The following RABGAP1 variants were observed in gnomAD, a reference collection of about 807,000 sequenced individuals.
RABGAP1 encodes the protein RAB GTPase activating protein 1, also known as rab GTPase-activating protein 1.
RABGAP1 carries 23 observed loss-of-function variants against 137.6 expected under a neutral mutation model. That is an observed-to-expected ratio of 0.17 (90% CI 0.12 to 0.24). The LOEUF is 0.24. RABGAP1 is among the 10% of genes least tolerant of loss of function. The pLI, the probability that RABGAP1 is intolerant of heterozygous loss-of-function variation, is 1.00. For synonymous variants in RABGAP1, 451 were observed against 450.7 expected (o/e 1.00, Z -0.01); for missense variants, 906 against 1,275.8 (o/e 0.71, Z 4.42).
At chr9:122,997,079 C>G in intron 8 of RABGAP1, 180 bp from the exon 9 acceptor site, 1 of 593,806 alleles carries the variant, frequency 1.7e-6, no homozygotes, top group Non-Finnish European at 3.0e-6. Flanking sequence ...CATATAACTT[C>G]AGGACAGTTG....
At chr9:122,971,047 C>T (rs778962504) in intron 2 of RABGAP1, among the ~76,000 whole-genome samples, 1 of 152,152 alleles carries the variant, frequency 6.6e-6, no homozygotes, top group Non-Finnish European at 1.5e-5. Flanking sequence ...TTGATAACTA[C>T]GTTGGGCAAG....
intron 2 of RABGAP1, among the ~76,000 whole-genome samples, chr9:122,974,288 A>G (rs1292191358): frequency 1.3e-5 from 2 of 152,200 alleles, no homozygotes; most frequent in Non-Finnish European, 2.9e-5. Flanking sequence ...AGTGCCCTGT[A>G]CAAACAAGTG....
chr9:123,035,702 C>G, intron 13 of RABGAP1: 1 of 844,996 alleles, frequency 1.2e-6, no homozygotes, highest in Non-Finnish European at 1.8e-6. Flanking sequence ...TCTAAGTATT[C>G]CTAATTCACT....
Position 122,956,996 on chromosome 9 carries a change from GT to G in RABGAP1, c.-49-10del. ...GACATTCTATATGAGTATCTTTATG[GT>G]TTTTGTTTTTCAGGCATTAAAAAAT... On this transcript the variant is annotated splice_polypyrimidine_tract_variant and intron_variant, in intron 1 of 25. Coordinates refer to ENST00000373647, the MANE Select transcript of RABGAP1 (RefSeq NM_012197.4). 7.7e-7 allele frequency: 1 copy of G among 1,294,486 alleles called. No individual in the cohort carries two copies. The highest frequency in any genetic ancestry group is 2.5e-5 in the East Asian group (1 of 39,786). The allele number at this position is 1,294,486 out of a possible 1,614,324, so 80.2% of individuals were successfully genotyped here. A position where few individuals can be genotyped will look rare whatever the true frequency, so the allele number is the denominator to read the frequency against.
chr9:123,029,296 A>G lies in RABGAP1; in HGVS notation c.1794+8837A>G, dbSNP rs1038442536. 6.9e-6 allele frequency: 4 copies of G among 576,136 alleles called. 1 individual carries two copies. The highest frequency in any genetic ancestry group is 4.3e-5 in the South Asian group (2 of 46,800). The allele number at this position is 576,136 out of a possible 1,614,324, so 35.7% of individuals were successfully genotyped here. On this transcript the variant is annotated intron_variant, in intron 13 of 25. Coordinates refer to ENST00000373647, the MANE Select transcript of RABGAP1 (RefSeq NM_012197.4). ...TCAGCTGCACTAAAATAATATGTTA[A>G]TTAATCAATGTTTAAAGCTCATTTT...
At chr9:123,077,583 G>A (rs539899518) in intron 19 of RABGAP1, among the ~76,000 whole-genome samples, 1 of 148,672 alleles carries the variant, frequency 6.7e-6, no homozygotes, top group African/African-American at 2.4e-5. Context: ...AAAGGTATAG[G>A]ATCTTCTTGT....
At chr9:123,044,853 C>T (rs576149444) in intron 13 of RABGAP1, among the ~76,000 whole-genome samples, 42 of 152,228 alleles carry the variant, frequency 2.8e-4, no homozygotes, top group Middle Eastern at 3.4e-3. Context: ...TGATTCCTCT[C>T]CTCACCCCAG....
At chr9:122,997,148 T>C (rs1335731711) in intron 8 of RABGAP1, 111 bp from the exon 9 acceptor site, 2 of 724,178 alleles carry the variant, frequency 2.8e-6, no homozygotes, top group Non-Finnish European at 2.3e-6. Context: ...ACTTATCCTC[T>C]TCCATATTCT....
intron 13 of RABGAP1, among the ~76,000 whole-genome samples, chr9:123,037,604 A>G (rs539011603): frequency 1.3e-5 from 2 of 152,352 alleles, no homozygotes; most frequent in South Asian, 4.1e-4. Context: ...ATGTTAGAGA[A>G]TGTAACCTGT....
intron 13 of RABGAP1, chr9:123,034,766 T>C: frequency 6.2e-7 from 1 of 1,613,972 alleles, no homozygotes; most frequent in African/African-American, 1.3e-5. Flanking sequence ...ACAAGTTATT[T>C]TATCCAGACT....
chr9:122,950,881 G>A (rs923405891), intron 1 of RABGAP1, among the ~76,000 whole-genome samples: 1 of 152,174 alleles, frequency 6.6e-6, no homozygotes, highest in African/African-American at 2.4e-5. Flanking sequence ...AGAAGAAAAG[G>A]AACCTAAATC....
chr9:123,098,472 TCAG>T (rs1471740800), intron 22 of RABGAP1, among the ~76,000 whole-genome samples: 3 of 152,248 alleles, frequency 2.0e-5, no homozygotes, highest in Non-Finnish European at 4.4e-5. Context: ...GGGAAGACCT[TCAG>T]CAGAAGCCTC....
chr9:123,104,466 A>G lies in RABGAP1; in HGVS notation c.*1253A>G, dbSNP rs1470712692. On this transcript the variant is annotated 3_prime_UTR_variant, in exon 26 of 26. Coordinates refer to ENST00000373647, the MANE Select transcript of RABGAP1 (RefSeq NM_012197.4). The stretch of plus-strand genomic sequence containing the variant: ...TTAATTTATATAGTGATATGCTGAC[A>G]GGCTGACACGCAGATGGTTTTGTCC... 1 of 152,454 alleles carries G rather than the reference A, an allele frequency of 6.6e-6. No homozygotes were observed. The highest frequency in any genetic ancestry group is 2.4e-5 in the African/African-American group (1 of 41,394). 9.4% of individuals were successfully genotyped at this position (152,454 alleles called of 1,614,324 possible).
intron 13 of RABGAP1, among the ~76,000 whole-genome samples, chr9:123,026,471 CAT>C (rs564073302): frequency 6.4e-4 from 97 of 152,198 alleles, no homozygotes; most frequent in African/African-American, 2.2e-3. Context: ...AATCTATCAA[CAT>C]GTGATAGACT....
At position 123,044,770 on chromosome 9, in the gene RABGAP1, T is replaced by C. The variant is rs546592532; in HGVS notation, c.1795-20578T>C. 4.6e-5 allele frequency among the ~76,000 whole-genome samples: 7 copies of C among 152,210 alleles called. No individual in the cohort carries two copies. In the South Asian group the frequency reaches 1.4e-3, roughly 32 times the overall value. ...TAGTGTTCAAAGGCAAGGAGGTGCC[T>C]GTTAAATAGATTTCCTTAGAAGGCA... On this transcript the variant is annotated intron_variant, in intron 13 of 25. Coordinates refer to ENST00000373647, the MANE Select transcript of RABGAP1 (RefSeq NM_012197.4).
intron 13 of RABGAP1, among the ~76,000 whole-genome samples, chr9:123,064,429 G>T (rs1306762239): frequency 6.6e-6 from 1 of 152,208 alleles, no homozygotes; most frequent in East Asian, 1.9e-4. Flanking sequence ...TTCGGAACAT[G>T]ATTACCCAAA....
chr9:123,076,485 C>T, intron 18 of RABGAP1, 149 bp from the exon 19 acceptor site: 1 of 1,061,992 alleles, frequency 9.4e-7, no homozygotes, highest in Non-Finnish European at 1.3e-6. Flanking sequence ...TTACCCCTAA[C>T]AGTGGATGTA....
intron 2 of RABGAP1, among the ~76,000 whole-genome samples, chr9:122,975,979 A>G (rs1835741355): frequency 6.6e-6 from 1 of 152,204 alleles, no homozygotes; most frequent in African/African-American, 2.4e-5. Flanking sequence ...TCAGTTGCAT[A>G]GGCTTTGCAC....
chr9:123,067,197 C>G (rs2034204257), intron 14 of RABGAP1, among the ~76,000 whole-genome samples: 1 of 152,168 alleles, frequency 6.6e-6, no homozygotes, highest in African/African-American at 2.4e-5. Context: ...TACCATTGTC[C>G]TGCTGCAGAC....
Sources: gnomAD v4.1 joint callset for allele counts (sites outside exome capture counted in the v4.1 genomes callset) on GRCh38, gnomAD v4.1.1 for gene constraint, MANE v1.5 for transcripts, NCBI Gene and HGNC (gene_info 2026-07-23, HGNC 2026-07-21) for gene names.